Variants in PKHD1 observed in about 807,000 individuals in gnomAD.
The protein encoded by PKHD1 is PKHD1 ciliary IPT domain containing fibrocystin/polyductin.
A neutral mutation model predicts 412.0 loss-of-function variants in PKHD1; 291 were observed. That is an observed-to-expected ratio of 0.71 (90% confidence interval 0.64 to 0.78). The LOEUF is 0.78. PKHD1 is among the 30% of genes least tolerant of loss of function. PKHD1 has a pLI of 0.00. For synonymous variants in PKHD1, 1,777 were observed against 1,821.5 expected, an observed-to-expected ratio of 0.98 and a Z score of 0.62; for missense variants, 4,825 against 4,950.7, an observed-to-expected ratio of 0.97 and a Z score of 0.76.
intron 60 of PKHD1, among the ~76,000 whole-genome samples, chr6:51,691,705 T>C (rs1178258139): frequency 1.3e-5 from 2 of 151,926 alleles, no homozygotes; most frequent in African/African-American, 4.8e-5. Context: ...AACCAATGAG[T>C]ACTAGGCTTA....
intron 57 of PKHD1, 61 bp downstream of exon 57, chr6:51,753,140 T>C: frequency 7.0e-7 from 1 of 1,421,238 alleles, no homozygotes; most frequent in South Asian, 1.2e-5. Flanking sequence ...TTGGGATTTC[T>C]GGGTGTCCCA....
chr6:51,724,520 A>G (rs1269105225), intron 60 of PKHD1, among the ~76,000 whole-genome samples: 1 of 152,108 alleles, frequency 6.6e-6, no homozygotes, highest in East Asian at 1.9e-4. Context: ...ACCTCAGTAG[A>G]CTGGAGCCTT....
At chr6:51,920,972 C>G (rs538369648) in intron 37 of PKHD1, among the ~76,000 whole-genome samples, 1 of 152,030 alleles carries the variant, frequency 6.6e-6, no homozygotes, top group South Asian at 2.1e-4. Flanking sequence ...GGTGGTATCC[C>G]CTTTATCATT....
rs1793713132 is a variant in PKHD1, at chr6:51,791,343, G to C, written c.8333C>G (p.Pro2778Arg). 3 of 1,613,430 alleles carry C rather than the reference G, an allele frequency of 1.9e-6. No individual in the cohort carries two copies. Among genetic ancestry groups the C allele is most frequent in the Non-Finnish European group, 2.5e-6 (3 of 1,179,454 alleles). The stretch of plus-strand genomic sequence containing the variant: ...CATCACATACAGCCCTTTGAAGAAT[G>C]GAAGATCTGTATCCACAAGGACAGT... ...NRTVLVDTDLPFFKGLYVMGT... is the reference protein window; with the variant it reads ...NRTVLVDTDLRFFKGLYVMGT... Residue 2778 changes from proline to arginine, a missense_variant, in exon 53 of 67, where the codon CCA (proline) becomes CGA (arginine). Physicochemically the swap from Pro to Arg is moderately radical, Grantham distance 103. Transcript: ENST00000371117.
At chr6:51,795,152 C>G (rs1041768009) in intron 52 of PKHD1, among the ~76,000 whole-genome samples, 4 of 152,124 alleles carry the variant, frequency 2.6e-5, no homozygotes, top group Admixed American at 1.3e-4. Flanking sequence ...TTCTTCCTAT[C>G]CATGAGCATG....
intron 36 of PKHD1, among the ~76,000 whole-genome samples, chr6:51,955,899 T>C (rs1791054178): frequency 1.3e-5 from 2 of 152,098 alleles, no homozygotes; most frequent in South Asian, 4.1e-4. Flanking sequence ...CTCAGCTATT[T>C]TTCTGACACT....
intron 8 of PKHD1, among the ~76,000 whole-genome samples, chr6:52,071,805 C>G (rs1008598123): frequency 1.1e-4 from 16 of 152,116 alleles, no homozygotes; most frequent in African/African-American, 3.6e-4. Context: ...ACCATACATA[C>G]TCCCAAGATT....
intron 36 of PKHD1, among the ~76,000 whole-genome samples, chr6:51,959,394 A>G (rs1238782002): frequency 6.6e-6 from 1 of 152,110 alleles, no homozygotes; most frequent in Non-Finnish European, 1.5e-5. Flanking sequence ...TAAACCCTAG[A>G]GCTATATAGC....
At chr6:51,642,601 A>G (rs1274194247) in intron 63 of PKHD1, among the ~76,000 whole-genome samples, 1 of 152,170 alleles carries the variant, frequency 6.6e-6, no homozygotes, top group Non-Finnish European at 1.5e-5. Flanking sequence ...ACACTTTGGG[A>G]GGCCAATACG....
chr6:52,039,905 T>C (rs1804566733), intron 27 of PKHD1, among the ~76,000 whole-genome samples: 1 of 152,238 alleles, frequency 6.6e-6, no homozygotes, highest in African/African-American at 2.4e-5. Flanking sequence ...ATCCATACCA[T>C]GTAATATTGT....
chr6:52,026,701 G>A (rs1802249039), intron 31 of PKHD1, among the ~76,000 whole-genome samples: 1 of 151,616 alleles, frequency 6.6e-6, no homozygotes, highest in Non-Finnish European at 1.5e-5. Flanking sequence ...TCTATTTATT[G>A]TACCATATAT....
At chr6:52,003,589 A>T (rs1244277564) in intron 35 of PKHD1, among the ~76,000 whole-genome samples, 1 of 151,418 alleles carries the variant, frequency 6.6e-6, no homozygotes, top group African/African-American at 2.4e-5. Context: ...GTCACTAAGG[A>T]CCTCTTTATT....
At chr6:52,007,997 T>C (rs762389599) in intron 35 of PKHD1, among the ~76,000 whole-genome samples, 2 of 152,196 alleles carry the variant, frequency 1.3e-5, no homozygotes, top group Non-Finnish European at 2.9e-5. Context: ...GGCTACTTGA[T>C]AGGGCCCTGC....
rs922816562 is a variant in PKHD1, at chr6:51,616,678, C to T, written c.*2403G>A. 7.5e-6 allele frequency: 3 copies of T among 398,232 alleles called. No homozygotes were observed. Among genetic ancestry groups the T allele is most frequent in the Admixed American group, 8.8e-5 (2 of 22,698 alleles). 24.7% of individuals were successfully genotyped at this position (398,232 alleles called of 1,614,324 possible). A position where few individuals can be genotyped will look rare whatever the true frequency, so the allele number is the denominator to read the frequency against. The stretch of plus-strand genomic sequence containing the variant: ...TTTAGGCCCAAAGAGTCAATTCTGG[C>T]CTCAGGGATCACAGGCTTTTCTGGG... On this transcript the variant is annotated 3_prime_UTR_variant, in exon 67 of 67. Coordinates refer to ENST00000371117, the MANE Select transcript of PKHD1 (RefSeq NM_138694.4).
intron 53 of PKHD1, among the ~76,000 whole-genome samples, chr6:51,781,380 C>T (rs2151194616): frequency 6.6e-6 from 1 of 152,226 alleles, no homozygotes; most frequent in African/African-American, 2.4e-5. Flanking sequence ...TCCAACCCCT[C>T]ATAAAGTGAT....
intron 35 of PKHD1, among the ~76,000 whole-genome samples, chr6:51,963,099 G>A (rs935096119): frequency 6.6e-6 from 1 of 151,988 alleles, no homozygotes; most frequent in East Asian, 1.9e-4. Context: ...TAATGCAATA[G>A]GTGAAGATAC....
At chr6:51,908,675 T>C (rs1242185338) in intron 40 of PKHD1, among the ~76,000 whole-genome samples, 2 of 152,160 alleles carry the variant, frequency 1.3e-5, no homozygotes, top group East Asian at 3.9e-4. Flanking sequence ...CACCTAGTTG[T>C]TCTCACCTGA....
chr6:51,798,928 T>C (rs1582759535), intron 52 of PKHD1, among the ~76,000 whole-genome samples: 1 of 152,284 alleles, frequency 6.6e-6, no homozygotes, highest in African/African-American at 2.4e-5. Context: ...TTTAGATGTA[T>C]TTCTCAGCTA....
chr6:51,896,366 G>A lies in PKHD1; in HGVS notation c.6996+7231C>T, dbSNP rs1048181988. ...AGTGGGTCCCTGACCCCTGACCCCC[G>A]AGCAGCCTAACTGGGAGGCACCCCC... On this transcript the variant is annotated intron_variant, in intron 43 of 66. Coordinates refer to ENST00000371117, the MANE Select transcript of PKHD1 (RefSeq NM_138694.4). 3.3e-3 allele frequency among the ~76,000 whole-genome samples: 505 copies of A among 151,812 alleles called. 1 individual carries two copies. The highest frequency in any genetic ancestry group is 0.012 in the African/African-American group (481 of 41,444).
Sources: gnomAD v4.1 joint callset for allele counts (sites outside exome capture counted in the v4.1 genomes callset) on GRCh38, gnomAD v4.1.1 for gene constraint, MANE v1.5 for transcripts, NCBI Gene and HGNC (gene_info 2026-07-23, HGNC 2026-07-21) for gene names.